The following VRTN variants were observed in gnomAD, a reference collection of about 807,000 sequenced individuals.
VRTN encodes the protein vertnin.
VRTN carries 5 observed loss-of-function variants against 18.2 expected under a neutral mutation model. The observed-to-expected ratio is 0.27, with a 90% CI of 0.14 to 0.58. The LOEUF (loss-of-function observed/expected upper bound fraction) is 0.58, where lower values mean the gene tolerates loss of function less well. VRTN is among the 20% of genes least tolerant of loss of function. The pLI is 0.91. For synonymous variants in VRTN, 381 were observed against 393.7 expected (o/e 0.97, Z 0.38); for missense variants, 741 against 939.4 (o/e 0.79, Z 2.76).
intron 1 of VRTN, among the ~76,000 whole-genome samples, chr14:74,323,566 A>G (rs1414612883): frequency 3.3e-5 from 5 of 151,682 alleles, no homozygotes; most frequent in Admixed American, 2.6e-4. Flanking sequence ...GCTGGGCGAC[A>G]GAGTGAAATT....
In VRTN at chr14:74,357,297, A is replaced by G; in HGVS notation, c.514A>G (p.Asn172Asp). The change falls in exon 2 of 2, where the codon AAC (asparagine) becomes GAC (aspartate). Residue 172 changes from asparagine to aspartate, a missense_variant. This residue lies in a region of VRTN where 186 missense variants were observed against 288.3 expected (regional missense o/e 0.65). Coordinates refer to ENST00000256362, the MANE Select transcript of VRTN (RefSeq NM_018228.3). This position sits in a 1 kb window ranked among gnomAD's most constrained non-coding sequence, Gnocchi z 7.8. ...KASCFPSSFS[N>D]VWHLYALASV... is the part of the protein sequence containing the mutation. ...CTCCTGTTTCCCCAGCAGCTTCTCC[A>G]ACGTGTGGCACTTGTATGCTCTCGC... The G allele has an allele frequency of 6.2e-7, 1 of 1,613,198 alleles. No homozygotes were observed. The highest frequency in any genetic ancestry group is 8.5e-7 in the Non-Finnish European group (1 of 1,179,234).
Position 74,358,643 on chromosome 14 carries a change from C to T in VRTN, c.1860C>T (p.His620=). The T allele has an allele frequency of 2.5e-6, 4 of 1,609,488 alleles. No homozygotes were observed. Among genetic ancestry groups the T allele is most frequent in the Non-Finnish European group, 3.4e-6 (4 of 1,177,616 alleles). ...QEGATAQGQP[H]SGPLLSQPVV... Reference sequence around the variant, plus strand: ...GGGCCACAGCCCAGGGCCAGCCCCACAGTGGGCCCTTGCTGAGCCAACCTG... The same window carrying T: ...GGGCCACAGCCCAGGGCCAGCCCCATAGTGGGCCCTTGCTGAGCCAACCTG... The change falls in exon 2 of 2, where the codon CAC becomes CAT. Residue 620 remains histidine (H), a synonymous_variant. Transcript: ENST00000256362. The surrounding 1 kb of genome is among the most constrained non-coding windows in gnomAD (Gnocchi z 5.4).
Position 74,325,050 on chromosome 14 carries a change from C to G in VRTN, c.-163-12673C>G, listed in dbSNP as rs557996763. Among the ~76,000 whole-genome samples the G allele has an allele frequency of 5.3e-5, 8 of 151,294 alleles. No individual in the cohort carries two copies. In the South Asian group the frequency reaches 8.3e-4, roughly 16 times the overall value. ...CCAGTAGGGGGGAGTGTGTGCATTT[C>G]AGGATAAAACTAAAATACTACAGGA... On this transcript the variant is annotated intron_variant, in intron 1 of 2. Transcript: ENST00000557177.
In VRTN at chr14:74,358,838, A is replaced by G. The variant is rs150479385; in HGVS notation, c.2055A>G (p.Thr685=). 27 of 1,614,034 alleles carry G rather than the reference A, an allele frequency of 1.7e-5. No homozygotes were observed. In the African/African-American group the frequency reaches 3.6e-4, roughly 22 times the overall value. ...SALFPLTARS[T]YYMWKRALYD... is the part of the protein sequence containing the mutation. Reference sequence around the variant, plus strand: ...TCTTTCCCCTCACTGCCCGCTCCACATACTACATGTGGAAGCGAGCCCTCT... The same window carrying G: ...TCTTTCCCCTCACTGCCCGCTCCACGTACTACATGTGGAAGCGAGCCCTCT... Residue 685 remains threonine (T), a synonymous_variant, in exon 2 of 2, where the codon ACA becomes ACG. Transcript: ENST00000256362. The surrounding 1 kb of genome is among the most constrained non-coding windows in gnomAD (Gnocchi z 5.4).
intron 1 of VRTN, among the ~76,000 whole-genome samples, chr14:74,308,476 A>C (rs1387330556): frequency 6.6e-6 from 1 of 152,134 alleles, no homozygotes; most frequent in African/African-American, 2.4e-5. Flanking sequence ...AATCTGAACA[A>C]ATGTAAACCA....
At chr14:74,350,268 G>C (rs1156606242) in intron 1 of VRTN, among the ~76,000 whole-genome samples, 2 of 152,070 alleles carry the variant, frequency 1.3e-5, no homozygotes, top group Non-Finnish European at 2.9e-5. Flanking sequence ...TTTTCCTTAA[G>C]CTTTTGAGGA....
At chr14:74,312,041 G>A (rs1259250722) in intron 1 of VRTN, among the ~76,000 whole-genome samples, 1 of 152,084 alleles carries the variant, frequency 6.6e-6, no homozygotes, top group Non-Finnish European at 1.5e-5. Flanking sequence ...AAGTGCTGGG[G>A]TTACAGGCAT....
At chr14:74,321,933 C>T (rs1357026330) in intron 1 of VRTN, among the ~76,000 whole-genome samples, 3 of 152,202 alleles carry the variant, frequency 2.0e-5, no homozygotes, top group South Asian at 2.1e-4. Flanking sequence ...CTCCACCTCC[C>T]GGGTTTGAGC....
chr14:74,334,711 C>T (rs922286486), intron 1 of VRTN, among the ~76,000 whole-genome samples: 2 of 152,166 alleles, frequency 1.3e-5, no homozygotes, highest in African/African-American at 4.8e-5. Context: ...CTATTATATT[C>T]TGTGCCTTGT....
At chr14:74,342,536 C>T (rs1375989176) in intron 2 of VRTN, among the ~76,000 whole-genome samples, 1 of 151,654 alleles carries the variant, frequency 6.6e-6, no homozygotes, top group Non-Finnish European at 1.5e-5. Context: ...TATATATACA[C>T]ACATATACAC....
chr14:74,329,423 GTTT>G (rs1431482384), intron 1 of VRTN, among the ~76,000 whole-genome samples: 1 of 150,098 alleles, frequency 6.7e-6, no homozygotes, highest in Non-Finnish European at 1.5e-5. Flanking sequence ...TAGTGGTTTT[GTTT>G]GTTTGTTTGT....
At chr14:74,330,173 C>T (rs1013421383) in intron 1 of VRTN, among the ~76,000 whole-genome samples, 5 of 151,912 alleles carry the variant, frequency 3.3e-5, no homozygotes, top group East Asian at 1.9e-4. Context: ...CTGTGCCGGG[C>T]CTGGAAAGCA....
intron 2 of VRTN, among the ~76,000 whole-genome samples, chr14:74,340,163 A>G (rs1367968687): frequency 2.9e-5 from 4 of 140,004 alleles, no homozygotes; most frequent in African/African-American, 1.1e-4. Flanking sequence ...CCCAGGCTGG[A>G]GTGCAAGGGC....
upstream of VRTN, among the ~76,000 whole-genome samples, chr14:74,345,346 ATTTTTTTTTTTT>A (rs34124259): frequency 1.1e-5 from 1 of 94,650 alleles, no homozygotes; most frequent in Non-Finnish European, 2.0e-5. Flanking sequence ...CACCCTGCCT[ATTTTTTTTTTTT>A]TTTTTTTTTT....
At chr14:74,339,017 G>T (rs1207255524) in intron 2 of VRTN, among the ~76,000 whole-genome samples, 1 of 151,844 alleles carries the variant, frequency 6.6e-6, no homozygotes, top group African/African-American at 2.4e-5. Context: ...GAGCCACTGT[G>T]CCAAGCCATT....
chr14:74,311,353 A>G (rs2085387443), intron 1 of VRTN, among the ~76,000 whole-genome samples: 1 of 152,164 alleles, frequency 6.6e-6, no homozygotes, highest in African/African-American at 2.4e-5. Context: ...AATATATTTC[A>G]CACATACCCA....
At position 74,357,878 on chromosome 14, in the gene VRTN, C is replaced by G. The variant is rs199640090; in HGVS notation, c.1095C>G (p.Pro365=). 2 of 1,614,010 alleles carry G rather than the reference C, an allele frequency of 1.2e-6. No homozygotes were observed. The highest frequency in any genetic ancestry group is 2.2e-5 in the East Asian group (1 of 44,878). Residue 365 remains proline, a synonymous_variant, in exon 2 of 2, where the codon CCC becomes CCG. Transcript: ENST00000256362. The surrounding 1 kb of genome is among the most constrained non-coding windows in gnomAD (Gnocchi z 7.8). The part of the protein sequence containing the change: ...LGSGTCPALP[P]REVLGMEELE... Reference sequence around the variant, plus strand: ...CTGGCACCTGCCCGGCCTTGCCCCCCAGGGAGGTGCTGGGCATGGAGGAGC... The same window carrying G: ...CTGGCACCTGCCCGGCCTTGCCCCCGAGGGAGGTGCTGGGCATGGAGGAGC...
chr14:74,357,340 ACATCTACTC>A lies in VRTN; in HGVS notation c.565_573del (p.Ser189_Tyr191del). ...GCTCTCGCCTCTGTCCTCCAGCGGAACATCTACTCCATCTACCCCATGCGCAACCTCAAG... is the reference window on the plus strand; with the variant it reads ...GCTCTCGCCTCTGTCCTCCAGCGGAACATCTACCCCATGCGCAACCTCAAG... On this transcript the variant is annotated inframe_deletion, in exon 2 of 2. Transcript: ENST00000256362. This position sits in a 1 kb window ranked among gnomAD's most constrained non-coding sequence, Gnocchi z 7.8. 1 of 1,614,040 alleles carries A rather than the reference ACATCTACTC, an allele frequency of 6.2e-7. No individual in the cohort carries two copies. Among genetic ancestry groups the A allele is most frequent in the Non-Finnish European group, 8.5e-7 (1 of 1,180,008 alleles).
intron 1 of VRTN, among the ~76,000 whole-genome samples, chr14:74,320,557 C>T (rs1363045752): frequency 4.0e-5 from 5 of 125,236 alleles, no homozygotes; most frequent in South Asian, 2.6e-4. Context: ...CCACTGCGCC[C>T]GGCCTCTTTT....
Sources: allele counts gnomAD v4.1 joint callset (sites outside exome capture counted in the v4.1 genomes callset), GRCh38; gene constraint gnomAD v4.1.1; regional missense constraint gnomAD v4.1.1; non-coding constraint Gnocchi (gnomAD v3.1); transcripts MANE v1.5; gene names NCBI Gene and HGNC (gene_info 2026-07-23, HGNC 2026-07-21).